CRLF1: variants seen among roughly 807,000 people sequenced by gnomAD.
The protein encoded by CRLF1 is cytokine receptor-like factor 1.
A neutral mutation model predicts 48.9 loss-of-function variants in CRLF1; 36 were observed. The observed-to-expected ratio is 0.74, with a 90% CI of 0.56 to 0.97. The LOEUF (loss-of-function observed/expected upper bound fraction) is 0.97, where lower values mean the gene tolerates loss of function less well. Ranked by LOEUF, CRLF1 falls within the 50% of genes least tolerant of loss-of-function variation. The pLI is 0.00. For synonymous variants in CRLF1, 256 were observed against 253.4 expected (o/e 1.01, Z -0.10); for missense variants, 534 against 575.1 (o/e 0.93, Z 0.73).
intron 8 of CRLF1, 25 bp downstream of exon 8, chr19:18,594,036 TCCCG>T: frequency 7.5e-6 from 3 of 402,546 alleles, no homozygotes; most frequent in Non-Finnish European, 1.3e-5. Context: ...CCTTGCTCCC[TCCCG>T]CCCACCCATT....
In CRLF1 at chr19:18,606,320, C is replaced by G. The variant is rs550642883; in HGVS notation, c.115+222G>C. 1.3e-5 allele frequency among the ~76,000 whole-genome samples: 2 copies of G among 151,640 alleles called. No individual in the cohort carries two copies. The highest frequency in any genetic ancestry group is 2.4e-5 in the African/African-American group (1 of 41,344). On this transcript the variant is annotated intron_variant, in intron 1 of 8. Coordinates refer to ENST00000392386, the MANE Select transcript of CRLF1 (RefSeq NM_004750.5). This position sits in a 1 kb window ranked among gnomAD's most constrained non-coding sequence, Gnocchi z 4.8. ...GGCCTGGCGCCCTCGGCCCAGCTGC[C>G]CAGGTAACAGGGCCTCGGGCGCGGA...
intron 1 of CRLF1, among the ~76,000 whole-genome samples, chr19:18,601,020 G>A (rs11878566): frequency 0.13 from 19,414 of 151,936 alleles, 3,222 homozygotes; most frequent in African/African-American, 0.39. Context: ...TGCTCAGGCC[G>A]GTCTTGAACT....
At chr19:18,597,728 G>A (rs1002198570) in intron 4 of CRLF1, among the ~76,000 whole-genome samples, 5 of 151,904 alleles carry the variant, frequency 3.3e-5, no homozygotes, top group African/African-American at 9.7e-5. Flanking sequence ...CACCGCGCCC[G>A]GCCCTCCCTT....
chr19:18,602,185 C>T (rs1463532215), intron 1 of CRLF1, among the ~76,000 whole-genome samples: 1 of 152,214 alleles, frequency 6.6e-6, no homozygotes. Context: ...CAGGAGTTCC[C>T]CTTCTGGAGA....
Position 18,596,970 on chromosome 19 carries a change from C to T in CRLF1, c.777G>A (p.Ser259=), listed in dbSNP as rs752647111. ...AGAGGAAATCCTTGAGGGCGGGTGGCGACACCCAGCGCACGCTCAGCTGGT... is the reference window on the plus strand; with the variant it reads ...AGAGGAAATCCTTGAGGGCGGGTGGTGACACCCAGCGCACGCTCAGCTGGT... ...LEDQLSVRWV[S]PPALKDFLFQ... Residue 259 remains serine (S), a synonymous_variant, in exon 5 of 9, where the codon TCG becomes TCA. Coordinates refer to ENST00000392386, the MANE Select transcript of CRLF1 (RefSeq NM_004750.5). The T allele has an allele frequency of 4.3e-6, 7 of 1,613,900 alleles. No homozygotes were observed. Among genetic ancestry groups the T allele is most frequent in the Middle Eastern group, 1.6e-4 (1 of 6,062 alleles).
intron 1 of CRLF1, among the ~76,000 whole-genome samples, chr19:18,605,742 C>T (rs934465253): frequency 6.6e-6 from 1 of 152,084 alleles, no homozygotes; most frequent in African/African-American, 2.4e-5. Context: ...GATGGGGGGC[C>T]CCAGAGTGCC....
At chr19:18,594,032 T>TGTGGCCCC in intron 8 of CRLF1, 33 bp downstream of exon 8, 1 of 695,814 alleles carries the variant, frequency 1.4e-6, no homozygotes, top group Non-Finnish European at 2.2e-6. Flanking sequence ...CTCCCCTTGC[T>TGTGGCCCC]CCCTCCCGCC....
At chr19:18,596,251 G>A (rs888236483) in intron 6 of CRLF1, among the ~76,000 whole-genome samples, 3 of 152,048 alleles carry the variant, frequency 2.0e-5, no homozygotes, top group African/African-American at 4.8e-5. Flanking sequence ...AGACAATCAG[G>A]AAACAGGCTG....
chr19:18,605,899 C>T (rs948898534), intron 1 of CRLF1, among the ~76,000 whole-genome samples: 1 of 152,118 alleles, frequency 6.6e-6, no homozygotes, highest in Non-Finnish European at 1.5e-5. Context: ...ACAAAGATTC[C>T]TCTCGCTGGA....
chr19:18,594,032 T>TGGGCA, intron 8 of CRLF1, 33 bp downstream of exon 8: 3 of 695,804 alleles, frequency 4.3e-6, no homozygotes, highest in African/African-American at 2.1e-5. Flanking sequence ...CTCCCCTTGC[T>TGGGCA]CCCTCCCGCC....
intron 6 of CRLF1, among the ~76,000 whole-genome samples, chr19:18,595,303 A>G (rs1475145749): frequency 1.3e-5 from 2 of 152,192 alleles, no homozygotes; most frequent in African/African-American, 4.8e-5. Flanking sequence ...AGCAGGGGCC[A>G]AGGCTCAGGC....
intron 1 of CRLF1, among the ~76,000 whole-genome samples, chr19:18,604,567 T>C (rs1008455051): frequency 3.3e-5 from 5 of 152,162 alleles, no homozygotes; most frequent in African/African-American, 1.2e-4. Flanking sequence ...GCTGCAAAGA[T>C]GACAGCCCCT....
intron 1 of CRLF1, among the ~76,000 whole-genome samples, chr19:18,601,683 C>T (rs558680742): frequency 6.6e-6 from 1 of 152,200 alleles, no homozygotes; most frequent in Non-Finnish European, 1.5e-5. Context: ...GGATGACAGG[C>T]GTGAGTCATT....
At chr19:18,594,032 T>TGA in intron 8 of CRLF1, 33 bp downstream of exon 8, 2 of 695,812 alleles carry the variant, frequency 2.9e-6, no homozygotes, top group Non-Finnish European at 4.4e-6. Flanking sequence ...CTCCCCTTGC[T>TGA]CCCTCCCGCC....
At chr19:18,594,031 C>CTG in intron 8 of CRLF1, 34 bp downstream of exon 8, 1 of 1,299,852 alleles carries the variant, frequency 7.7e-7, no homozygotes, top group Non-Finnish European at 1.1e-6. Flanking sequence ...CCTCCCCTTG[C>CTG]TCCCTCCCGC....
chr19:18,597,039 G>A lies in CRLF1; in HGVS notation c.708C>T (p.Asp236=), dbSNP rs899691434. The A allele has an allele frequency of 2.5e-6, 4 of 1,612,620 alleles. No individual in the cohort carries two copies. Among genetic ancestry groups the A allele is most frequent in the Middle Eastern group, 1.7e-4 (1 of 6,060 alleles). Residue 236 remains aspartate, a synonymous_variant, in exon 5 of 9, where the codon GAC becomes GAT. Transcript: ENST00000392386. ...TLDILDVVTT[D]PPPDVHVSRV... is the part of the protein sequence containing the mutation. ...GGCTCACGTGCACGTCGGGCGGGGG[G>A]TCCGTGGTCACTGCGGGGCAGAGGA...
At chr19:18,594,032 T>TTGGGGCCCCC in intron 8 of CRLF1, 33 bp downstream of exon 8, 2 of 695,814 alleles carry the variant, frequency 2.9e-6, no homozygotes, top group Non-Finnish European at 2.2e-6. Context: ...CTCCCCTTGC[T>TTGGGGCCCCC]CCCTCCCGCC....
rs770368637 is a variant in CRLF1, at chr19:18,596,864, G to A, written c.855+28C>T. Reference sequence around the variant, plus strand: ...CGGGGGCGGGGCCTGGAAGGAACAGGGGCGGAGTCAGGGAAGGGGAGGGTC... The same window carrying A: ...CGGGGGCGGGGCCTGGAAGGAACAGAGGCGGAGTCAGGGAAGGGGAGGGTC... On this transcript the variant is annotated intron_variant, in intron 5 of 8. Coordinates refer to ENST00000392386, the MANE Select transcript of CRLF1 (RefSeq NM_004750.5). 5.0e-6 allele frequency: 8 copies of A among 1,613,704 alleles called. No individual in the cohort carries two copies. In the South Asian group the frequency reaches 7.7e-5, roughly 16 times the overall value.
In CRLF1 at chr19:18,598,536, G is replaced by A. The variant is rs375245522; in HGVS notation, c.593C>T (p.Pro198Leu). ...HTVGPHSCHIPKDLALFTPYE... is the reference protein window; with the variant it reads ...HTVGPHSCHILKDLALFTPYE... ...GGGCGTAAAGAGAGCCAGGTCCTTG[G>A]GGATGTGGCAGGAGTGGGGCCCCAC... The change falls in exon 4 of 9, where the codon CCC becomes CTC. Residue 198 changes from proline (P) to leucine (L), a missense_variant. Pro to Leu is a moderately conservative substitution (Grantham distance 98, BLOSUM62 -3). Coordinates refer to ENST00000392386, the MANE Select transcript of CRLF1 (RefSeq NM_004750.5). 1 of 1,614,000 alleles carries A rather than the reference G, an allele frequency of 6.2e-7. No individual in the cohort carries two copies. Among genetic ancestry groups the A allele is most frequent in the African/African-American group, 1.3e-5 (1 of 74,900 alleles).
Sources: gnomAD v4.1 joint callset for allele counts (sites outside exome capture counted in the v4.1 genomes callset) on GRCh38, gnomAD v4.1.1 for gene constraint, Gnocchi (gnomAD v3.1) non-coding constraint, MANE v1.5 for transcripts, NCBI Gene and HGNC (gene_info 2026-07-23, HGNC 2026-07-21) for gene names.